The following SVEP1 variants were observed in gnomAD, a reference collection of about 807,000 sequenced individuals.
SVEP1 encodes the protein sushi, von Willebrand factor type A, EGF and pentraxin domain-containing protein 1.
A neutral mutation model predicts 367.3 loss-of-function variants in SVEP1; 164 were observed. That is an observed-to-expected ratio of 0.45 (90% CI 0.39 to 0.51). SVEP1 has a LOEUF of 0.51. SVEP1 is among the 20% of genes least tolerant of loss of function. The pLI, the probability that SVEP1 is intolerant of heterozygous loss-of-function variation, is 0.00. For missense variants in SVEP1, 4,117 were observed against 4,425.3 expected (o/e 0.93, Z 1.98); for synonymous variants, 1,666 against 1,611.6 (o/e 1.03, Z -0.81).
chr9:110,459,419 A>G (rs1286443914), intron 18 of SVEP1, among the ~76,000 whole-genome samples: 1 of 152,198 alleles, frequency 6.6e-6, no homozygotes, highest in Admixed American at 6.5e-5. Flanking sequence ...AATAGTATAG[A>G]TTTTAATAAA....
At chr9:110,530,409 G>A (rs567259007) in intron 3 of SVEP1, among the ~76,000 whole-genome samples, 14 of 152,082 alleles carry the variant, frequency 9.2e-5, no homozygotes, top group East Asian at 3.9e-4. Context: ...ATTGCTTTAC[G>A]GACACTTTGA....
intron 9 of SVEP1, among the ~76,000 whole-genome samples, chr9:110,487,314 T>G (rs1829295539): frequency 6.6e-6 from 1 of 152,228 alleles, no homozygotes; most frequent in Non-Finnish European, 1.5e-5. Flanking sequence ...AGTACACATT[T>G]CACATTTCAC....
At chr9:110,574,991 C>A (rs1290014900) in intron 1 of SVEP1, among the ~76,000 whole-genome samples, 1 of 152,064 alleles carries the variant, frequency 6.6e-6, no homozygotes, top group African/African-American at 2.4e-5. Context: ...GTGATCCACC[C>A]GCCTTGGCCT....
chr9:110,480,798 AT>A (rs112560144), intron 12 of SVEP1, among the ~76,000 whole-genome samples: 4,257 of 145,924 alleles, frequency 0.029, 202 homozygotes, highest in African/African-American at 0.099. Context: ...GGCCCAACTA[AT>A]TTTTTTTTTT....
chr9:110,389,695 A>ACTG, intron 40 of SVEP1, 108 bp from the exon 41 acceptor site: 1 of 1,166,990 alleles, frequency 8.6e-7, no homozygotes, highest in South Asian at 1.6e-5. Context: ...CAGCACTGGA[A>ACTG]TGCTAAATAA....
At chr9:110,551,182 G>T (rs1170657255) in intron 1 of SVEP1, among the ~76,000 whole-genome samples, 1 of 152,218 alleles carries the variant, frequency 6.6e-6, no homozygotes, top group Non-Finnish European at 1.5e-5. Context: ...AAAGTGAAAA[G>T]GAGATATTGT....
chr9:110,374,004 T>TA (rs1827314622), intron 46 of SVEP1, among the ~76,000 whole-genome samples: 1 of 152,358 alleles, frequency 6.6e-6, no homozygotes, highest in Admixed American at 6.5e-5. Context: ...AACTTTTTTT[T>TA]AACTTTTATT....
At chr9:110,513,741 C>T (rs929292116) in intron 4 of SVEP1, among the ~76,000 whole-genome samples, 1 of 152,108 alleles carries the variant, frequency 6.6e-6, no homozygotes, top group African/African-American at 2.4e-5. Context: ...TTCCCAGCAT[C>T]TCAGTTCCCC....
intron 39 of SVEP1, among the ~76,000 whole-genome samples, chr9:110,402,403 G>A (rs1005777356): frequency 2.6e-5 from 4 of 152,022 alleles, no homozygotes; most frequent in African/African-American, 7.2e-5. Context: ...ATGAACTACA[G>A]AATCATTTTG....
chr9:110,579,615 G>C lies in SVEP1; in HGVS notation c.-72C>G. On this transcript the variant is annotated 5_prime_UTR_variant, in exon 1 of 48. Transcript: ENST00000374469. The surrounding 1 kb of genome is among the most constrained non-coding windows in gnomAD (Gnocchi z 5.3). ...GGCGGGAAGAGGCGCTGGGCGGCCG[G>C]ACTCGCAGAGGGGCGTGCGCGGAGC... The C allele has an allele frequency of 1.4e-6, 2 of 1,451,040 alleles. No individual in the cohort carries two copies. Among genetic ancestry groups the C allele is most frequent in the Non-Finnish European group, 1.8e-6 (2 of 1,108,716 alleles). 89.9% of individuals were successfully genotyped at this position (1,451,040 alleles called of 1,614,324 possible). A position where few individuals can be genotyped will look rare whatever the true frequency, so the allele number is the denominator to read the frequency against.
In SVEP1 at chr9:110,371,761, G is replaced by A. The variant is rs145129953; in HGVS notation, c.10601-1745C>T. Among the ~76,000 whole-genome samples the A allele has an allele frequency of 6.3e-3, 953 of 152,268 alleles. 7 individuals carry two copies. The highest frequency in any genetic ancestry group is 0.021 in the African/African-American group (869 of 41,536). ...CACAATAGATCTGTAACCAAGTAGC[G>A]TTGATTCTTACTCTTTAACTGTCTC... On this transcript the variant is annotated intron_variant, in intron 46 of 47. Transcript: ENST00000374469.
At chr9:110,411,797 TC>T in intron 36 of SVEP1, 62 bp from the exon 37 acceptor site, 1 of 1,386,062 alleles carries the variant, frequency 7.2e-7, no homozygotes, top group Non-Finnish European at 9.5e-7. Context: ...AGTGTTTGTG[TC>T]TTCTTCTATT....
At chr9:110,531,547 G>A (rs1434295091) in intron 3 of SVEP1, among the ~76,000 whole-genome samples, 1 of 152,130 alleles carries the variant, frequency 6.6e-6, no homozygotes, top group Non-Finnish European at 1.5e-5. Context: ...TGAAGGATAT[G>A]TTTACTTCCC....
chr9:110,513,995 T>C lies in SVEP1; in HGVS notation c.1076A>G (p.Asp359Gly). The C allele has an allele frequency of 6.2e-7, 1 of 1,613,170 alleles. No homozygotes were observed. Among genetic ancestry groups the C allele is most frequent in the Non-Finnish European group, 8.5e-7 (1 of 1,179,582 alleles). Residue 359 changes from aspartate to glycine, a missense_variant, in exon 4 of 48, where the codon GAC (aspartate) becomes GGC (glycine). This residue lies in a region of SVEP1 where 2,174 missense variants were observed against 2,494.3 expected (regional missense o/e 0.87). Transcript: ENST00000374469. ...CCTGTATCCCTCTCTGCAGACACAG[T>C]CTTCAGGGGATGTGCTTCCAGGTGG... ...TSPPGSTSPE[D>G]CVCREGYRAS...
chr9:110,453,026 A>G (rs1383401316), intron 22 of SVEP1, among the ~76,000 whole-genome samples: 1 of 152,322 alleles, frequency 6.6e-6, no homozygotes, highest in East Asian at 1.9e-4. Context: ...GTTGTTCCAA[A>G]TGATTACTAC....
intron 18 of SVEP1, among the ~76,000 whole-genome samples, chr9:110,464,646 G>C (rs1047009865): frequency 7.2e-5 from 11 of 152,136 alleles, no homozygotes; most frequent in Non-Finnish European, 1.5e-4. Flanking sequence ...GAGAAGTAGG[G>C]AACCAGTAGG....
intron 1 of SVEP1, among the ~76,000 whole-genome samples, chr9:110,575,159 T>G (rs946394430): frequency 1.3e-5 from 2 of 152,214 alleles, no homozygotes; most frequent in Admixed American, 1.3e-4. Context: ...AAATCCCTGC[T>G]TGTTAGATTA....
chr9:110,513,071 A>C lies in SVEP1; in HGVS notation c.1158T>G (p.Asn386Lys). The change falls in exon 5 of 48, where the codon AAT (asparagine) becomes AAG (lysine). Residue 386 changes from asparagine (N) to lysine (K), a missense_variant. Coordinates refer to ENST00000374469, the MANE Select transcript of SVEP1 (RefSeq NM_153366.4). ...TGCAAGTGTTTTGGATAAAGTAACC[A>C]TTTTCGGGAGGCTTCAGGGCAGGGC... ...VHCPALKPPE[N>K]GYFIQNTCNN... The C allele has an allele frequency of 6.2e-7, 1 of 1,613,850 alleles. No individual in the cohort carries two copies. The highest frequency in any genetic ancestry group is 8.5e-7 in the Non-Finnish European group (1 of 1,179,832).
chr9:110,391,197 G>A lies in SVEP1; in HGVS notation c.9823-1610C>T, dbSNP rs952315518. Among the ~76,000 whole-genome samples the A allele has an allele frequency of 4.0e-5, 6 of 151,692 alleles. No individual in the cohort carries two copies. In the East Asian group the frequency reaches 1.2e-3, roughly 29 times the overall value. On this transcript the variant is annotated intron_variant, in intron 40 of 47. Coordinates refer to ENST00000374469, the MANE Select transcript of SVEP1 (RefSeq NM_153366.4). The stretch of plus-strand genomic sequence containing the variant: ...GTACCAAATAAGATCCATACACTGA[G>A]ACTAGTTTATGTTTCTGTGATGATT...
Sources: allele counts gnomAD v4.1 joint callset (sites outside exome capture counted in the v4.1 genomes callset), GRCh38; gene constraint gnomAD v4.1.1; regional missense constraint gnomAD v4.1.1; non-coding constraint Gnocchi (gnomAD v3.1); transcripts MANE v1.5; gene names NCBI Gene and HGNC (gene_info 2026-07-23, HGNC 2026-07-21).